Variants in RANBP1 observed in about 807,000 individuals in gnomAD.
RANBP1 encodes the protein RAN binding protein 1, also known as ran-specific GTPase-activating protein.
A neutral mutation model predicts 31.4 loss-of-function variants in RANBP1; 16 were observed. The observed-to-expected ratio is 0.51, with a 90% CI of 0.34 to 0.77. The LOEUF is 0.77. Among genes scored for constraint, RANBP1 ranks in the 30% least tolerant of loss-of-function variants. The pLI, the probability that RANBP1 is intolerant of heterozygous loss-of-function variation, is 0.01. For synonymous variants in RANBP1, 129 were observed against 140.5 expected, an observed-to-expected ratio of 0.92 and a Z score of 0.58; for missense variants, 265 against 362.0, an observed-to-expected ratio of 0.73 and a Z score of 2.17.
Position 20,117,437 on chromosome 22 carries a change from C to T in RANBP1, c.246+1007C>T, listed in dbSNP as rs910033708. 51 of 1,196,142 alleles carry T rather than the reference C, an allele frequency of 4.3e-5. No individual in the cohort carries two copies. In the African/African-American group the frequency reaches 7.1e-4, roughly 17 times the overall value. The allele number at this position is 1,196,142 out of a possible 1,614,324, so 74.1% of individuals were successfully genotyped here. On this transcript the variant is annotated intron_variant, in intron 1 of 5. Coordinates refer to ENST00000430524, the MANE Select transcript of RANBP1 (RefSeq NM_001278639.2). ...GCCGGACAATGAGAGTGTCCGCCTCCTGAGCCAATAAAGCTGTACTGGTTT... is the reference window on the plus strand; with the variant it reads ...GCCGGACAATGAGAGTGTCCGCCTCTTGAGCCAATAAAGCTGTACTGGTTT...
chr22:20,122,763 G>GT lies in RANBP1; in HGVS notation c.541+342_541+343insT, dbSNP rs55662364. On this transcript the variant is annotated intron_variant, in intron 3 of 5. Coordinates refer to ENST00000430524, the MANE Select transcript of RANBP1 (RefSeq NM_001278639.2). ...TGTGTGTGTGTGTGTGTGTGTGTGT[G>GT]GTGTCTGGGGGGTGGGGGTTGGTGT... The GT allele has an allele frequency of 2.8e-3, 2,470 of 876,538 alleles. 94 individuals carry two copies. Among genetic ancestry groups the GT allele is most frequent in the South Asian group, 0.011 (329 of 29,200 alleles). The allele number at this position is 876,538 out of a possible 1,614,324, so 54.3% of individuals were successfully genotyped here.
chr22:20,118,622 C>T (rs562388685), intron 1 of RANBP1, among the ~76,000 whole-genome samples: 1 of 152,228 alleles, frequency 6.6e-6, no homozygotes, highest in African/African-American at 2.4e-5. Flanking sequence ...GTCCTTTGAT[C>T]TTCACACAGC....
chr22:20,122,342 C>T lies in RANBP1; in HGVS notation c.462C>T (p.Leu154=). 2.5e-6 allele frequency: 4 copies of T among 1,613,172 alleles called. No homozygotes were observed. Among genetic ancestry groups the T allele is most frequent in the Non-Finnish European group, 3.4e-6 (4 of 1,179,988 alleles). Residue 154 remains leucine (L), a synonymous_variant, in exon 3 of 6, where the codon CTC becomes CTT. Transcript: ENST00000430524. ...AGCGAGGCACTGGTGACGTCAAGCT[C>T]CTGAAGCACAAGGAGAAAGGGGCCA... The part of the protein sequence containing the change: ...WKERGTGDVK[L]LKHKEKGAIR...
At chr22:20,121,242 C>T (rs952035320) in intron 2 of RANBP1, among the ~76,000 whole-genome samples, 6 of 151,724 alleles carry the variant, frequency 4.0e-5, no homozygotes, top group South Asian at 4.2e-4. Flanking sequence ...CGTGAGCCCC[C>T]GCGCCTGCTC....
At chr22:20,123,436 G>T (rs1183828143) in intron 3 of RANBP1, among the ~76,000 whole-genome samples, 1 of 68,314 alleles carries the variant, frequency 1.5e-5, no homozygotes, top group Admixed American at 1.4e-4. Flanking sequence ...GGTGTTGGGG[G>T]GGGTGTGTGG....
intron 4 of RANBP1, chr22:20,125,710 C>T: frequency 7.8e-7 from 1 of 1,289,854 alleles, no homozygotes; most frequent in Non-Finnish European, 1.0e-6. Flanking sequence ...GTTTGCTCTC[C>T]AAGCTCCGGT....
Position 20,116,212 on chromosome 22 carries a change from C to T in RANBP1, c.28C>T (p.Arg10Cys), listed in dbSNP as rs537596261. Residue 10 changes from arginine to cysteine, a missense_variant, in exon 1 of 6, where the codon CGC becomes TGC. By Grantham distance (180) the Arg-to-Cys change is radical. Transcript: ENST00000430524. The stretch of plus-strand genomic sequence containing the variant: ...GGGGTCGGCCTTGGGCCGGGCCAGG[C>T]GCACACTGAGTGGGCGGCCTTTCCA... MGSALGRAR[R>C]TLSGRPFQRA... The T allele has an allele frequency of 1.9e-4, 309 of 1,613,018 alleles. 1 individual carries two copies. In the South Asian group the frequency reaches 2.6e-3, roughly 13 times the overall value.
At chr22:20,117,008 G>T in intron 1 of RANBP1, 1 of 1,447,732 alleles carries the variant, frequency 6.9e-7, no homozygotes, top group Non-Finnish European at 9.5e-7. Flanking sequence ...CAAGGGAAGT[G>T]CTCAGAGGGG....
In RANBP1 at chr22:20,119,079, G is replaced by C; in HGVS notation, c.313G>C (p.Glu105Gln). Residue 105 changes from glutamate to glutamine, a missense_variant, in exon 2 of 6, where the codon GAG (glutamate) becomes CAG (glutamine). Glu to Gln is a conservative substitution (Grantham distance 29). Transcript: ENST00000430524. ...TDESNHDPQF[E>Q]PIVSLPEQEI... ...CGAGTCCAACCATGACCCTCAGTTT[G>C]AGCCAATAGTTTCTCTTCCTGAGCA... The C allele has an allele frequency of 6.2e-7, 1 of 1,612,738 alleles. No individual in the cohort carries two copies. Among genetic ancestry groups the C allele is most frequent in the Non-Finnish European group, 8.5e-7 (1 of 1,178,972 alleles).
At chr22:20,125,238 T>C in intron 3 of RANBP1, 70 bp from the exon 4 acceptor site, 1 of 1,588,638 alleles carries the variant, frequency 6.3e-7, no homozygotes, top group East Asian at 2.2e-5. Context: ...CAGGGTGCTC[T>C]GTGGCCGAGG....
At chr22:20,117,539 GC>G in intron 1 of RANBP1, 1 of 1,380,498 alleles carries the variant, frequency 7.2e-7, no homozygotes, top group Non-Finnish European at 9.4e-7. Context: ...GAGCGGGCGG[GC>G]GGGAGGCGCC....
intron 2 of RANBP1, 32 bp downstream of exon 2, chr22:20,119,181 C>CT (rs1568979497): frequency 6.2e-7 from 1 of 1,601,122 alleles, no homozygotes; most frequent in Admixed American, 1.7e-5. Flanking sequence ...AAATAGGACT[C>CT]TTTAAGGTTG....
At chr22:20,125,686 T>C in intron 4 of RANBP1, 2 of 1,360,318 alleles carry the variant, frequency 1.5e-6, no homozygotes, top group Non-Finnish European at 9.5e-7. Context: ...AGCCGCCTTG[T>C]GGCTGGCACT....
In RANBP1 at chr22:20,116,972, C is replaced by T. The variant is rs542262652; in HGVS notation, c.246+542C>T. 5.0e-4 allele frequency: 761 copies of T among 1,512,086 alleles called. 5 individuals carry two copies. In the African/African-American group the frequency reaches 9.6e-3, roughly 19 times the overall value. The allele number at this position is 1,512,086 out of a possible 1,614,324, so 93.7% of individuals were successfully genotyped here. ...GGCCGCCTGGCCACCTCGTCCTGGG[C>T]CTGTCACAAGGGAAGTGGCCTGTCA... On this transcript the variant is annotated intron_variant, in intron 1 of 5. Transcript: ENST00000430524.
chr22:20,120,651 C>T (rs770677421), intron 2 of RANBP1, among the ~76,000 whole-genome samples: 1 of 152,188 alleles, frequency 6.6e-6, no homozygotes, highest in Non-Finnish European at 1.5e-5. Context: ...TGGTCCCCAG[C>T]GGGAGGGGCT....
In RANBP1 at chr22:20,126,349, C is replaced by T. The variant is rs769969249; in HGVS notation, c.717C>T (p.Ile239=). ...AGTTTGAAGAATGCAGGAAAGAGAT[C>T]GAAGAGAGAGAAAAGAAAGGTGACG... ...KTKFEECRKE[I]EEREKKAGSG... Residue 239 remains isoleucine, a synonymous_variant, in exon 5 of 6, where the codon ATC becomes ATT. Transcript: ENST00000430524. The T allele has an allele frequency of 2.0e-5, 32 of 1,613,916 alleles. No homozygotes were observed. The East Asian group carries it at 2.0e-4, about 10-fold the overall frequency.
At chr22:20,126,253 C>G (rs1218537312) in intron 4 of RANBP1, 50 bp from the exon 5 acceptor site, 1 of 1,585,368 alleles carries the variant, frequency 6.3e-7, no homozygotes, top group East Asian at 2.2e-5. Context: ...CAGGGCATGT[C>G]TCTTCCACTG....
chr22:20,126,544 G>T (rs1489547232), intron 5 of RANBP1, 176 bp downstream of exon 5: 20 of 1,571,354 alleles, frequency 1.3e-5, no homozygotes, highest in Non-Finnish European at 8.6e-7. Flanking sequence ...GGGGAGCCCT[G>T]AGCACTTGTC....
intron 2 of RANBP1, among the ~76,000 whole-genome samples, chr22:20,120,185 G>T (rs1199829909): frequency 6.6e-6 from 1 of 152,214 alleles, no homozygotes; most frequent in African/African-American, 2.4e-5. Context: ...CATTCCTACT[G>T]TGAGTTTCCT....
Sources: gnomAD v4.1 joint callset for allele counts (sites outside exome capture counted in the v4.1 genomes callset) on GRCh38, gnomAD v4.1.1 for gene constraint, MANE v1.5 for transcripts, NCBI Gene and HGNC (gene_info 2026-07-23, HGNC 2026-07-21) for gene names.